Variants in HSPA14 observed in about 807,000 individuals in gnomAD.
HSPA14 encodes heat shock 70 kDa protein 14.
A neutral mutation model predicts 65.5 loss-of-function variants in HSPA14; 37 were observed. The observed-to-expected ratio is 0.56, with a 90% CI of 0.43 to 0.74. The LOEUF is 0.74. HSPA14 is among the 30% of genes least tolerant of loss of function. HSPA14 has a pLI of 0.00. For synonymous variants in HSPA14, 203 were observed against 214.2 expected, an observed-to-expected ratio of 0.95 and a Z score of 0.46; for missense variants, 564 against 607.6, an observed-to-expected ratio of 0.93 and a Z score of 0.75.
chr10:14,845,466 G>T lies in HSPA14; in HGVS notation c.222-3143G>T, dbSNP rs1205141846. ...GAGTAGACGGCAAGCGAGCTGCTCT[G>T]CCAAGCCAGGGATGGAGGTGTGAGG... On this transcript the variant is annotated intron_variant, in intron 3 of 13. Transcript: ENST00000378372. 4.1e-6 allele frequency: 4 copies of T among 985,254 alleles called. No individual in the cohort carries two copies. In the African/African-American group the frequency reaches 7.0e-5, roughly 17 times the overall value. The allele number at this position is 985,254 out of a possible 1,614,324, so 61.0% of individuals were successfully genotyped here.
At position 14,870,584 on chromosome 10, in the gene HSPA14, C is replaced by G. The variant is rs754035733; in HGVS notation, c.1381-13C>G. On this transcript the variant is annotated splice_polypyrimidine_tract_variant and intron_variant, in intron 12 of 13. Transcript: ENST00000378372. Reference sequence around the variant, plus strand: ...GATGCTGAATTCTCTTCATATTGTTCTTGTATAAACAGGTTGTACTCCAGG... The same window carrying G: ...GATGCTGAATTCTCTTCATATTGTTGTTGTATAAACAGGTTGTACTCCAGG... 1.3e-6 allele frequency: 2 copies of G among 1,577,232 alleles called. No homozygotes were observed. The highest frequency in any genetic ancestry group is 1.7e-6 in the Non-Finnish European group (2 of 1,158,442).
intron 3 of HSPA14, chr10:14,845,363 G>C: frequency 2.0e-6 from 2 of 985,272 alleles, no homozygotes; most frequent in Non-Finnish European, 2.4e-6. Flanking sequence ...TTGCAGGCTC[G>C]AGTGCTTAGC....
At chr10:14,865,406 G>A (rs1472819577) in intron 10 of HSPA14, among the ~76,000 whole-genome samples, 1 of 152,000 alleles carries the variant, frequency 6.6e-6, no homozygotes, top group Non-Finnish European at 1.5e-5. Flanking sequence ...CCATGCCTAT[G>A]TCCTGAATGG....
At chr10:14,839,018 C>T (rs916879027) in intron 1 of HSPA14, among the ~76,000 whole-genome samples, 2 of 152,174 alleles carry the variant, frequency 1.3e-5, no homozygotes, top group African/African-American at 2.4e-5. Flanking sequence ...GTCTAGGTCC[C>T]GGAGGGGCGG....
intron 3 of HSPA14, chr10:14,843,457 A>G: frequency 6.4e-7 from 1 of 1,550,642 alleles, no homozygotes; most frequent in Non-Finnish European, 8.7e-7. Flanking sequence ...CCCCATGGCC[A>G]GACTGGGTGT....
chr10:14,847,046 T>G, intron 3 of HSPA14: 1 of 985,444 alleles, frequency 1.0e-6, no homozygotes, highest in Non-Finnish European at 1.2e-6. Context: ...TGGTCCTTTG[T>G]TGCCTCCATT....
chr10:14,867,630 T>C (rs1000193734), intron 11 of HSPA14, 106 bp from the exon 12 acceptor site: 11 of 923,884 alleles, frequency 1.2e-5, no homozygotes, highest in Non-Finnish European at 1.8e-5. Context: ...CTTTGCCTAG[T>C]GTCCTGTTTA....
At chr10:14,869,904 C>T (rs573409714) in intron 12 of HSPA14, among the ~76,000 whole-genome samples, 5 of 152,288 alleles carry the variant, frequency 3.3e-5, no homozygotes, top group East Asian at 1.9e-4. Flanking sequence ...GCGTTAGCCA[C>T]GTAATACTGA....
chr10:14,867,332 T>C, intron 11 of HSPA14, 37 bp downstream of exon 11: 1 of 1,388,684 alleles, frequency 7.2e-7, no homozygotes, highest in Non-Finnish European at 1.0e-6. Flanking sequence ...AAGGTATGTT[T>C]AGCTTTTCTA....
chr10:14,857,072 TATATA>T (rs953701217), intron 10 of HSPA14, among the ~76,000 whole-genome samples: 2 of 152,170 alleles, frequency 1.3e-5, no homozygotes, highest in African/African-American at 2.4e-5. Context: ...TTGCCTAATT[TATATA>T]ATATAACCAA....
intron 6 of HSPA14, among the ~76,000 whole-genome samples, chr10:14,850,116 T>C (rs910576435): frequency 1.3e-5 from 2 of 151,978 alleles, no homozygotes; most frequent in African/African-American, 4.8e-5. Flanking sequence ...TCTATTAAAA[T>C]ACAAAAATTA....
At chr10:14,864,188 C>T (rs1447094069) in intron 10 of HSPA14, among the ~76,000 whole-genome samples, 32 of 148,486 alleles carry the variant, frequency 2.2e-4, no homozygotes, top group African/African-American at 8.0e-4. Context: ...ATGACTGTAC[C>T]ACTGCAACTC....
chr10:14,840,413 T>G (rs575281125), intron 3 of HSPA14, among the ~76,000 whole-genome samples: 1 of 152,208 alleles, frequency 6.6e-6, no homozygotes, highest in Non-Finnish European at 1.5e-5. Flanking sequence ...GGTGGTAATT[T>G]GGATTGTTCA....
intron 5 of HSPA14, 196 bp from the exon 6 acceptor site, chr10:14,849,525 A>G (rs45606139): frequency 0.095 from 64,080 of 672,306 alleles, 4,034 homozygotes; most frequent in South Asian, 0.22. Flanking sequence ...TCTGTGTCCA[A>G]ATATATCACC....
chr10:14,841,273 C>T (rs1833968025), intron 3 of HSPA14: 4 of 151,898 alleles, frequency 2.6e-5, no homozygotes, highest in Non-Finnish European at 4.4e-5. Flanking sequence ...AACTTAGTAC[C>T]GAGCATATTA....
intron 3 of HSPA14, among the ~76,000 whole-genome samples, chr10:14,840,658 T>A (rs1833961927): frequency 6.6e-6 from 1 of 152,240 alleles, no homozygotes; most frequent in Non-Finnish European, 1.5e-5. Flanking sequence ...TATGTAAGAA[T>A]CAGATTAATC....
intron 8 of HSPA14, among the ~76,000 whole-genome samples, chr10:14,853,440 C>T (rs554425159): frequency 2.0e-5 from 3 of 152,296 alleles, no homozygotes; most frequent in South Asian, 2.1e-4. Flanking sequence ...GAGACTTTGA[C>T]GCTCTTACAT....
intron 10 of HSPA14, among the ~76,000 whole-genome samples, chr10:14,864,780 AACAT>A (rs1257774792): frequency 2.0e-5 from 3 of 152,228 alleles, no homozygotes; most frequent in Non-Finnish European, 4.4e-5. Flanking sequence ...TACCGCAATG[AACAT>A]ATGTGTGCAT....
intron 3 of HSPA14, chr10:14,843,620 G>A (rs1209744922): frequency 1.2e-5 from 18 of 1,550,560 alleles, no homozygotes; most frequent in Non-Finnish European, 1.5e-5. Context: ...TGGGCAAGGC[G>A]AAGAAGGCGG....
Sources: allele counts gnomAD v4.1 joint callset (sites outside exome capture counted in the v4.1 genomes callset), GRCh38; gene constraint gnomAD v4.1.1; transcripts MANE v1.5; gene names NCBI Gene and HGNC (gene_info 2026-07-23, HGNC 2026-07-21).